Variants in SLC38A2 observed in about 807,000 individuals in gnomAD.
The protein encoded by SLC38A2 is sodium-coupled neutral amino acid symporter 2.
Under a neutral mutation model 61.5 loss-of-function variants are expected in SLC38A2, and 11 were observed. The ratio of observed to expected loss-of-function variants is 0.18; its 90% CI spans 0.11 to 0.30. The LOEUF (loss-of-function observed/expected upper bound fraction) is 0.30, where lower values mean the gene tolerates loss of function less well. Among genes scored for constraint, SLC38A2 ranks in the 10% least tolerant of loss-of-function variants. The pLI, the probability that SLC38A2 is intolerant of heterozygous loss-of-function variation, is 1.00. For synonymous variants in SLC38A2, 217 were observed against 212.5 expected, an observed-to-expected ratio of 1.02 and a Z score of -0.18; for missense variants, 522 against 600.4, an observed-to-expected ratio of 0.87 and a Z score of 1.36.
chr12:46,368,989 T>C (rs1432490882), intron 4 of SLC38A2, among the ~76,000 whole-genome samples: 1 of 152,204 alleles, frequency 6.6e-6, no homozygotes, highest in Non-Finnish European at 1.5e-5. Flanking sequence ...TAAGTACTGA[T>C]GAATAAAATC....
chr12:46,363,677 C>T (rs770812563), intron 12 of SLC38A2, 49 bp downstream of exon 12: 14 of 1,187,436 alleles, frequency 1.2e-5, no homozygotes, highest in African/African-American at 1.5e-5. Context: ...TTTCAATAAG[C>T]GTTTTTTTTT....
intron 7 of SLC38A2, among the ~76,000 whole-genome samples, chr12:46,365,753 G>A (rs1406112917): frequency 1.3e-5 from 2 of 151,950 alleles, no homozygotes; most frequent in Non-Finnish European, 2.9e-5. Context: ...ACTTATTCCA[G>A]GTTATCAGAG....
intron 4 of SLC38A2, among the ~76,000 whole-genome samples, chr12:46,367,954 A>G (rs534316021): frequency 1.3e-5 from 2 of 152,060 alleles, no homozygotes; most frequent in African/African-American, 4.8e-5. Context: ...ACAACATAAC[A>G]TAGGGAAGCC....
At chr12:46,364,096 A>G in intron 10 of SLC38A2, 93 bp from the exon 11 acceptor site, 1 of 1,140,384 alleles carries the variant, frequency 8.8e-7, no homozygotes, top group South Asian at 1.6e-5. Context: ...CAATCTTAGA[A>G]TCAAAGCCTA....
Position 46,370,503 on chromosome 12 carries a change from C to G in SLC38A2, c.314+9G>C. 1 of 1,595,466 alleles carries G rather than the reference C, an allele frequency of 6.3e-7. No individual in the cohort carries two copies. The highest frequency in any genetic ancestry group is 8.6e-7 in the Non-Finnish European group (1 of 1,163,044). On this transcript the variant is annotated intron_variant, in intron 4 of 15. Transcript: ENST00000256689. ...CTGCATGGCAGACTCACTACTTACA[C>G]ATACTTACATAAAAAGAGCAATTCC...
chr12:46,360,164 A>G lies in SLC38A2; in HGVS notation c.*947T>C, dbSNP rs1943065401. ...CAAAAAAAGACCCAGAGCTGTCAATACAACACTGGAGACAGATGCAACTGA... is the reference window on the plus strand; with the variant it reads ...CAAAAAAAGACCCAGAGCTGTCAATGCAACACTGGAGACAGATGCAACTGA... On this transcript the variant is annotated 3_prime_UTR_variant, in exon 16 of 16. Coordinates refer to ENST00000256689, the MANE Select transcript of SLC38A2 (RefSeq NM_018976.5). The G allele has an allele frequency of 6.5e-6, 1 of 152,682 alleles. No homozygotes were observed. Among genetic ancestry groups the G allele is most frequent in the African/African-American group, 2.4e-5 (1 of 41,472 alleles). 9.5% of individuals were successfully genotyped at this position (152,682 alleles called of 1,614,324 possible).
intron 7 of SLC38A2, among the ~76,000 whole-genome samples, chr12:46,365,971 CA>C (rs1180625481): frequency 1.3e-5 from 2 of 152,148 alleles, no homozygotes; most frequent in African/African-American, 4.8e-5. Context: ...AGAACACCAA[CA>C]CTTAAAGATC....
intron 4 of SLC38A2, among the ~76,000 whole-genome samples, chr12:46,368,430 C>T (rs1403183718): frequency 5.9e-5 from 9 of 152,112 alleles, no homozygotes; most frequent in Non-Finnish European, 1.0e-4. Flanking sequence ...ACTAAAGGGA[C>T]CCTAATGTCA....
Position 46,371,351 on chromosome 12 carries a change from G to T in SLC38A2, c.-58C>A. On this transcript the variant is annotated 5_prime_UTR_variant, in exon 2 of 16. Coordinates refer to ENST00000256689, the MANE Select transcript of SLC38A2 (RefSeq NM_018976.5). ...TAGCGCTGGGCTCCTTTTGTCCTTG[G>T]CGGTGGGTGCAGCGGCCCGCGAGTC... The T allele has an allele frequency of 1.4e-6, 2 of 1,421,364 alleles. No individual in the cohort carries two copies. Among genetic ancestry groups the T allele is most frequent in the African/African-American group, 2.8e-5 (2 of 71,036 alleles). 88.0% of individuals were successfully genotyped at this position (1,421,364 alleles called of 1,614,324 possible).
intron 7 of SLC38A2, among the ~76,000 whole-genome samples, chr12:46,365,786 C>T (rs1199154818): frequency 6.6e-6 from 1 of 152,192 alleles, no homozygotes; most frequent in African/African-American, 2.4e-5. Flanking sequence ...TCTTGACCCA[C>T]CTTTAACTCC....
Position 46,364,427 on chromosome 12 carries a change from C to A in SLC38A2, c.835G>T (p.Asp279Tyr), listed in dbSNP as rs770450547. Residue 279 changes from aspartate (D) to tyrosine (Y), a missense_variant, in exon 10 of 16, where the codon GAC (aspartate) becomes TAC (tyrosine). Physicochemically the swap from Asp to Tyr is radical, Grantham distance 160. Coordinates refer to ENST00000256689, the MANE Select transcript of SLC38A2 (RefSeq NM_018976.5). ...PALSHNVTEN[D>Y]SCRPHYFIFN... The stretch of plus-strand genomic sequence containing the variant: ...ATAAAATAGTGAGGTCTGCAAGAGT[C>A]ATTTTCAGTCACGTTATGTGACAAA... The A allele has an allele frequency of 1.7e-5, 27 of 1,601,702 alleles. No individual in the cohort carries two copies. The South Asian group carries it at 2.9e-4, about 17-fold the overall frequency.
At chr12:46,361,332 ATATT>A in intron 15 of SLC38A2, 123 bp from the exon 16 acceptor site, 1 of 752,030 alleles carries the variant, frequency 1.3e-6, no homozygotes, top group South Asian at 1.7e-5. Flanking sequence ...TATAGAAAGA[ATATT>A]TAACTTGCTA....
rs1943217188 is a variant in SLC38A2 at position 46,372,522 on chromosome 12, A to G, written c.-100T>C. 2.6e-6 allele frequency: 1 copy of G among 385,036 alleles called. No individual in the cohort carries two copies. The highest frequency in any genetic ancestry group is 4.6e-6 in the Non-Finnish European group (1 of 217,886). 23.9% of individuals were successfully genotyped at this position (385,036 alleles called of 1,614,324 possible). On this transcript the variant is annotated 5_prime_UTR_variant, in exon 1 of 16. Transcript: ENST00000256689. ...CGCACGCGTTACCTCGGTGGTCTCT[A>G]TTCTCACGCAGACGTCTTCAGTGGG...
chr12:46,367,119 T>C lies in SLC38A2; in HGVS notation c.438A>G (p.Gly146=), dbSNP rs1943146932. The change falls in exon 6 of 16, where the codon GGA becomes GGG. Residue 146 remains glycine, a synonymous_variant. Coordinates refer to ENST00000256689, the MANE Select transcript of SLC38A2 (RefSeq NM_018976.5). ...QLGYKAFGLV[G]KLAASGSITM... is the part of the protein sequence containing the mutation. ...TAATTGATCCAGATGCTGCAAGCTT[T>C]CCAACTAATCCAAATGCCTTATATC... 1.2e-6 allele frequency: 2 copies of C among 1,614,178 alleles called. No individual in the cohort carries two copies. Among genetic ancestry groups the C allele is most frequent in the East Asian group, 4.5e-5 (2 of 44,878 alleles).
chr12:46,363,335 ACC>A (rs1943104013), intron 12 of SLC38A2, among the ~76,000 whole-genome samples, 190 bp from the exon 13 acceptor site: 1 of 152,096 alleles, frequency 6.6e-6, no homozygotes, highest in Admixed American at 6.6e-5. Context: ...TTTTCTAAAT[ACC>A]ACAGAGATTT....
chr12:46,363,107 T>G lies in SLC38A2; in HGVS notation c.1093A>C (p.Ile365Leu). 1 of 1,612,934 alleles carries G rather than the reference T, an allele frequency of 6.2e-7. No individual in the cohort carries two copies. ...ESELLHTYSS[I>L]LGTDILLLIV... ...AGAAGAAGAATATCAGTTCCCAAGA[T>G]AGAAGAGTAGGTATGAAGCAATTCT... Residue 365 changes from isoleucine to leucine, a missense_variant, in exon 13 of 16, where the codon ATC becomes CTC. This residue lies in a region of SLC38A2 where 309 missense variants were observed against 343.9 expected (regional missense o/e 0.90). Transcript: ENST00000256689.
Position 46,370,806 on chromosome 12 carries a change from A to G in SLC38A2, c.168T>C (p.Asn56=). 6.2e-7 allele frequency: 1 copy of G among 1,613,188 alleles called. No individual in the cohort carries two copies. Among genetic ancestry groups the G allele is most frequent in the Non-Finnish European group, 8.5e-7 (1 of 1,179,636 alleles). ...PENQNFLLES[N]LGKKKYETEF... is the part of the protein sequence containing the mutation. The stretch of plus-strand genomic sequence containing the variant: ...CTGTTTCATACTTCTTCTTCCCCAA[A>G]TTCGATTCAAGTAAAAAGTTCTGGT... The change falls in exon 3 of 16, where the codon AAT becomes AAC. Residue 56 remains asparagine (N), a synonymous_variant. Coordinates refer to ENST00000256689, the MANE Select transcript of SLC38A2 (RefSeq NM_018976.5).
chr12:46,369,525 G>A (rs1943172452), intron 4 of SLC38A2, among the ~76,000 whole-genome samples: 1 of 152,104 alleles, frequency 6.6e-6, no homozygotes. Context: ...GTCACAAAGG[G>A]ACAATTCCAT....
chr12:46,372,159 C>G (rs1943210616), intron 1 of SLC38A2, among the ~76,000 whole-genome samples: 1 of 152,260 alleles, frequency 6.6e-6, no homozygotes, highest in Non-Finnish European at 1.5e-5. Flanking sequence ...CCCCAGATTC[C>G]TGGCTCCCTG....
Sources: allele counts gnomAD v4.1 joint callset (sites outside exome capture counted in the v4.1 genomes callset), GRCh38; gene constraint gnomAD v4.1.1; regional missense constraint gnomAD v4.1.1; transcripts MANE v1.5; gene names NCBI Gene and HGNC (gene_info 2026-07-23, HGNC 2026-07-21).